The following PTCHD4 variants were observed in gnomAD, a reference collection of about 807,000 sequenced individuals.
PTCHD4 encodes patched domain containing 4, also known as patched domain-containing protein 4.
A neutral mutation model predicts 58.1 loss-of-function variants in PTCHD4; 33 were observed. The observed-to-expected ratio is 0.57, with a 90% CI of 0.43 to 0.76. PTCHD4 has a LOEUF of 0.76. Among genes scored for constraint, PTCHD4 ranks in the 30% least tolerant of loss-of-function variants. The probability of loss-of-function intolerance (pLI) is 0.00; values close to 1 mark genes in which losing one functional copy is unlikely to be tolerated. For missense variants in PTCHD4, 1,058 were observed against 1,027.1 expected (o/e 1.03, Z -0.41); for synonymous variants, 478 against 409.6 (o/e 1.17, Z -2.02).
chr6:47,965,102 C>T (rs1400891158), intron 4 of PTCHD4, among the ~76,000 whole-genome samples: 1 of 152,038 alleles, frequency 6.6e-6, no homozygotes, highest in African/African-American at 2.4e-5. Context: ...TTTATTTTTC[C>T]TCTTACCATT....
In PTCHD4 at chr6:47,871,347, C is replaced by G. The variant is rs959472234; in HGVS notation, c.*6956G>C. 6.6e-6 allele frequency among the ~76,000 whole-genome samples: 1 copy of G among 151,520 alleles called. No homozygotes were observed. The highest frequency in any genetic ancestry group is 1.5e-5 in the Non-Finnish European group (1 of 67,718). On this transcript the variant is annotated 3_prime_UTR_variant, in exon 5 of 5. Transcript: ENST00000339488. ...TGCCTAGAATAAACAAACAAACACCCGAACAGATTTTTTCCTCCAAGAAAA... is the reference window on the plus strand; with the variant it reads ...TGCCTAGAATAAACAAACAAACACCGGAACAGATTTTTTCCTCCAAGAAAA...
chr6:47,958,933 TGTTAAGCTGAAAGGATCA>T (rs2113963826), intron 4 of PTCHD4, among the ~76,000 whole-genome samples: 1 of 152,272 alleles, frequency 6.6e-6, no homozygotes, highest in South Asian at 2.1e-4. Flanking sequence ...AAAACTTTAA[TGTTAAGCTGAAAGGATCA>T]GTTTCCAAGA....
chr6:47,943,132 A>G (rs555844625), intron 4 of PTCHD4, among the ~76,000 whole-genome samples: 8 of 152,284 alleles, frequency 5.3e-5, no homozygotes, highest in Admixed American at 2.0e-4. Context: ...TCATTTTGGG[A>G]AAAATCTCAG....
At chr6:47,904,438 CT>C (rs1581854736) in intron 4 of PTCHD4, among the ~76,000 whole-genome samples, 1 of 152,204 alleles carries the variant, frequency 6.6e-6, no homozygotes, top group East Asian at 1.9e-4. Flanking sequence ...TGCTTTCCCC[CT>C]ACAATAGCAG....
chr6:48,079,687 A>C, intron 1 of PTCHD4, among the ~76,000 whole-genome samples: 1 of 151,498 alleles, frequency 6.6e-6, no homozygotes, highest in East Asian at 1.9e-4. Flanking sequence ...GACAATAAAA[A>C]GCAGACCAGT....
At chr6:47,883,129 A>G (rs1764072421) in intron 4 of PTCHD4, among the ~76,000 whole-genome samples, 1 of 152,046 alleles carries the variant, frequency 6.6e-6, no homozygotes, top group African/African-American at 2.4e-5. Context: ...AATGCAATAT[A>G]TATTTATTTA....
chr6:47,879,955 A>G lies in PTCHD4; in HGVS notation c.899-19T>C. 6.9e-7 allele frequency: 1 copy of G among 1,457,546 alleles called. No individual in the cohort carries two copies. The highest frequency in any genetic ancestry group is 9.1e-7 in the Non-Finnish European group (1 of 1,098,306). 90.3% of individuals were successfully genotyped at this position (1,457,546 alleles called of 1,614,324 possible). A position where few individuals can be genotyped will look rare whatever the true frequency, so the allele number is the denominator to read the frequency against. The stretch of plus-strand genomic sequence containing the variant: ...CCATGACCTAATGTTTTAAAAAAAG[A>G]AAATAATAATTATTTTTATTTCCTC... On this transcript the variant is annotated intron_variant, in intron 4 of 4. Transcript: ENST00000339488.
intron 4 of PTCHD4, among the ~76,000 whole-genome samples, chr6:47,927,797 AT>A (rs1324532208): frequency 2.6e-5 from 4 of 151,248 alleles, no homozygotes; most frequent in South Asian, 2.1e-4. Context: ...TATTATTATT[AT>A]TTTTTGTAGA....
chr6:47,911,703 T>C lies in PTCHD4; in HGVS notation c.899-31767A>G, dbSNP rs1462996658. On this transcript the variant is annotated intron_variant, in intron 4 of 4. Coordinates refer to ENST00000339488, the MANE Select transcript of PTCHD4 (RefSeq NM_001384253.1). The stretch of plus-strand genomic sequence containing the variant: ...TAATTTTATTTTGCACATGTTAAAT[T>C]TGAGATGACCGGTAGAGTAGACATC... Among the ~76,000 whole-genome samples the C allele has an allele frequency of 2.6e-5, 4 of 152,032 alleles. No homozygotes were observed. The East Asian group carries it at 7.7e-4, about 29-fold the overall frequency.
chr6:47,918,342 A>T (rs1028016326), intron 4 of PTCHD4, among the ~76,000 whole-genome samples: 1 of 152,164 alleles, frequency 6.6e-6, no homozygotes, highest in African/African-American at 2.4e-5. Context: ...AGTTCTTTGC[A>T]ATTATTCTAT....
intron 1 of PTCHD4, among the ~76,000 whole-genome samples, chr6:48,098,321 C>CTT (rs1193016051): frequency 2.8e-5 from 4 of 144,974 alleles, no homozygotes; most frequent in African/African-American, 1.1e-4. Context: ...CTTTTCTTTT[C>CTT]TTCTTCTTCT....
chr6:47,922,421 G>A (rs1245897740), intron 4 of PTCHD4, among the ~76,000 whole-genome samples: 1 of 152,080 alleles, frequency 6.6e-6, no homozygotes, highest in Non-Finnish European at 1.5e-5. Flanking sequence ...ATGAGTGTCT[G>A]GTTTCCTTTA....
At chr6:48,063,115 G>A (rs1450920549) in intron 3 of PTCHD4, among the ~76,000 whole-genome samples, 1 of 152,086 alleles carries the variant, frequency 6.6e-6, no homozygotes, top group Non-Finnish European at 1.5e-5. Flanking sequence ...GAATACTCAA[G>A]CTTCTTTGGC....
intron 1 of PTCHD4, among the ~76,000 whole-genome samples, chr6:48,072,216 C>T (rs1441074630): frequency 2.0e-5 from 3 of 152,166 alleles, no homozygotes; most frequent in Non-Finnish European, 4.4e-5. Context: ...AAATCTTGTG[C>T]ACAAGATATT....
intron 3 of PTCHD4, among the ~76,000 whole-genome samples, chr6:48,065,431 A>C (rs332572): frequency 0.16 from 23,720 of 152,208 alleles, 1,893 homozygotes; most frequent in African/African-American, 0.2. Flanking sequence ...AATACATATA[A>C]AAATTTTCCT....
At chr6:47,915,479 T>C (rs1765214272) in intron 4 of PTCHD4, among the ~76,000 whole-genome samples, 1 of 151,968 alleles carries the variant, frequency 6.6e-6, no homozygotes, top group Non-Finnish European at 1.5e-5. Flanking sequence ...CTTTCGCAGA[T>C]TAAAGGTGGT....
intron 1 of PTCHD4, among the ~76,000 whole-genome samples, chr6:48,072,262 G>A (rs1469879177): frequency 1.3e-5 from 2 of 152,082 alleles, no homozygotes; most frequent in South Asian, 2.1e-4. Flanking sequence ...CATTCATCCA[G>A]CCAGTCTTTT....
chr6:47,974,991 T>A (rs113645355), intron 4 of PTCHD4, among the ~76,000 whole-genome samples: 20 of 152,234 alleles, frequency 1.3e-4, no homozygotes, highest in African/African-American at 4.6e-4. Flanking sequence ...GGAGATTCCA[T>A]GGTAAAACAA....
chr6:48,035,916 T>G (rs1763616114), intron 3 of PTCHD4, among the ~76,000 whole-genome samples: 1 of 152,126 alleles, frequency 6.6e-6, no homozygotes, highest in Non-Finnish European at 1.5e-5. Context: ...GAGTTGAGCC[T>G]TATCTCTCTC....
Sources: allele counts gnomAD v4.1 joint callset (sites outside exome capture counted in the v4.1 genomes callset), GRCh38; gene constraint gnomAD v4.1.1; transcripts MANE v1.5; gene names NCBI Gene and HGNC (gene_info 2026-07-23, HGNC 2026-07-21).